RNF170: variants seen among roughly 807,000 people sequenced by gnomAD.
RNF170 encodes the protein ring finger protein 170.
RNF170 carries 12 observed loss-of-function variants against 32.7 expected under a neutral mutation model. That is an observed-to-expected ratio of 0.37 (90% CI 0.24 to 0.60). RNF170 has a LOEUF of 0.60. Ranked by LOEUF, RNF170 falls within the 20% of genes least tolerant of loss-of-function variation. The probability of loss-of-function intolerance (pLI) is 0.72; values close to 1 mark genes in which losing one functional copy is unlikely to be tolerated. For missense variants in RNF170, 212 were observed against 311.2 expected, an observed-to-expected ratio of 0.68 and a Z score of 2.40; for synonymous variants, 91 against 103.6, an observed-to-expected ratio of 0.88 and a Z score of 0.74.
chr8:42,878,795 A>T (rs1002378712), intron 2 of RNF170, among the ~76,000 whole-genome samples: 1 of 152,246 alleles, frequency 6.6e-6, no homozygotes, highest in Non-Finnish European at 1.5e-5. Flanking sequence ...AGAGAGGAGA[A>T]GTCAATGCCT....
downstream of RNF170, chr8:42,850,808 G>A: frequency 1.3e-6 from 2 of 1,551,630 alleles, no homozygotes; most frequent in Non-Finnish European, 1.7e-6. Context: ...GAGAACCAAA[G>A]GATGGAAACA....
intron 1 of RNF170, among the ~76,000 whole-genome samples, chr8:42,893,022 C>T (rs1305022214): frequency 6.6e-6 from 1 of 152,072 alleles, no homozygotes; most frequent in Non-Finnish European, 1.5e-5. Flanking sequence ...ACACATTGTA[C>T]ATATTTGTAT....
chr8:42,867,703 G>C (rs532244475), intron 4 of RNF170, among the ~76,000 whole-genome samples: 1 of 145,640 alleles, frequency 6.9e-6, no homozygotes, highest in South Asian at 2.2e-4. Flanking sequence ...GTGAACCCGG[G>C]AGGCGGAGCT....
At chr8:42,850,976 G>A (rs534710611), downstream of RNF170, 81 of 1,551,536 alleles carry the variant, frequency 5.2e-5, 1 homozygote, top group South Asian at 6.9e-4. Context: ...TCACTTGCAC[G>A]GCTGCTCTTC....
rs946375452 is a variant in RNF170, at chr8:42,887,768, T to C, written c.97A>G (p.Ser33Gly). The C allele has an allele frequency of 3.7e-6, 6 of 1,613,962 alleles. No homozygotes were observed. The African/African-American group carries it at 4.0e-5, about 11-fold the overall frequency. Residue 33 changes from serine (S) to glycine (G), a missense_variant, in exon 2 of 7, where the codon AGT becomes GGT. By Grantham distance (56) the Ser-to-Gly change is moderately conservative. Transcript: ENST00000527424. ...SDQVLVAVVV[S>G]FALIATLVYA... ...ACCAGGGTAGCAATCAAAGCGAAAC[T>C]GACCACAACTGCCACAAGTACTTGG...
Position 42,854,874 on chromosome 8 carries a change from C to T in RNF170, c.*1285G>A, listed in dbSNP as rs1343484482. ...TTCTCAGATACATTCACTTGTTTGGCTCAAGACATGAATCTGAGCTGTGTG... is the reference window on the plus strand; with the variant it reads ...TTCTCAGATACATTCACTTGTTTGGTTCAAGACATGAATCTGAGCTGTGTG... On this transcript the variant is annotated 3_prime_UTR_variant, in exon 7 of 7. Coordinates refer to ENST00000527424, the MANE Select transcript of RNF170 (RefSeq NM_030954.4). The T allele has an allele frequency of 7.8e-7, 1 of 1,287,240 alleles. No individual in the cohort carries two copies. The highest frequency in any genetic ancestry group is 1.0e-6 in the Non-Finnish European group (1 of 988,698). The allele number at this position is 1,287,240 out of a possible 1,614,324, so 79.7% of individuals were successfully genotyped here. A position where few individuals can be genotyped will look rare whatever the true frequency, so the allele number is the denominator to read the frequency against.
chr8:42,884,758 G>A (rs377262217), intron 2 of RNF170, among the ~76,000 whole-genome samples: 2 of 148,476 alleles, frequency 1.3e-5, no homozygotes, highest in Non-Finnish European at 3.0e-5. Flanking sequence ...CTGGAGTGCA[G>A]TGGTGCGATC....
intron 3 of RNF170, among the ~76,000 whole-genome samples, chr8:42,872,504 G>A (rs138455650): frequency 0.011 from 1,622 of 152,154 alleles, 19 homozygotes; most frequent in Middle Eastern, 0.034. Flanking sequence ...GTGCAGTGGC[G>A]CAATCTCAGC....
chr8:42,881,892 G>A (rs1422062134), intron 2 of RNF170, among the ~76,000 whole-genome samples: 1 of 152,086 alleles, frequency 6.6e-6, no homozygotes, highest in African/African-American at 2.4e-5. Flanking sequence ...CCATAATCAC[G>A]CCACTATACT....
intron 2 of RNF170, among the ~76,000 whole-genome samples, chr8:42,875,308 T>C (rs1470053356): frequency 6.6e-6 from 1 of 152,186 alleles, no homozygotes. Flanking sequence ...CAAGAATATT[T>C]TAAGTCTACA....
At position 42,887,787 on chromosome 8, in the gene RNF170, T is replaced by A; in HGVS notation, c.78A>T (p.Val26=). Residue 26 remains valine (V), a synonymous_variant, in exon 2 of 7, where the codon GTA becomes GTT. Coordinates refer to ENST00000527424, the MANE Select transcript of RNF170 (RefSeq NM_030954.4). ...DSVIEGVSDQ[V]LVAVVVSFAL... ...CGAAACTGACCACAACTGCCACAAGTACTTGGTCGCTTACTCCTTCTATAA... is the reference window on the plus strand; with the variant it reads ...CGAAACTGACCACAACTGCCACAAGAACTTGGTCGCTTACTCCTTCTATAA... The A allele has an allele frequency of 1.2e-6, 2 of 1,613,908 alleles. No homozygotes were observed. Among genetic ancestry groups the A allele is most frequent in the Non-Finnish European group, 1.7e-6 (2 of 1,179,750 alleles).
intron 4 of RNF170, among the ~76,000 whole-genome samples, chr8:42,866,264 A>C (rs1804070500): frequency 6.6e-6 from 1 of 151,472 alleles, no homozygotes; most frequent in African/African-American, 2.4e-5. Flanking sequence ...ACAAGTGGCC[A>C]GGCGCGGTGG....
chr8:42,859,682 T>G (rs1803509616), intron 6 of RNF170, among the ~76,000 whole-genome samples: 1 of 151,856 alleles, frequency 6.6e-6, no homozygotes, highest in African/African-American at 2.4e-5. Context: ...AAGGTCTCAC[T>G]CGATCACCCA....
intron 1 of RNF170, among the ~76,000 whole-genome samples, chr8:42,894,859 T>C (rs911978084): frequency 6.6e-5 from 10 of 152,072 alleles, no homozygotes; most frequent in African/African-American, 2.4e-4. Context: ...TGGCCACGTA[T>C]GTGTAATTTC....
Position 42,856,230 on chromosome 8 carries a change from C to A in RNF170, c.706G>T (p.Val236Phe). 1 of 1,610,898 alleles carries A rather than the reference C, an allele frequency of 6.2e-7. No homozygotes were observed. The highest frequency in any genetic ancestry group is 8.5e-7 in the Non-Finnish European group (1 of 1,178,596). The change falls in exon 7 of 7, where the codon GTC (valine) becomes TTC (phenylalanine). Residue 236 changes from valine (V) to phenylalanine (F), a missense_variant. Val to Phe is a conservative substitution (Grantham distance 50). Transcript: ENST00000527424. ...ATGTAGATAAGCAATAAAAAGATGA[C>A]AAAGAAATCATCTAGAAAGCCTAGA... is the stretch of plus-strand genomic sequence containing the variant. ...GILGFLDDFF[V>F]IFLLLIYISI...
At chr8:42,889,454 T>C (rs1806115173) in intron 1 of RNF170, 1 of 152,112 alleles carries the variant, frequency 6.6e-6, no homozygotes, top group African/African-American at 2.4e-5. Context: ...ATTAAATATA[T>C]ATGAATAATT....
intron 5 of RNF170, among the ~76,000 whole-genome samples, chr8:42,863,976 A>AGT (rs1304462129): frequency 9.1e-6 from 1 of 109,926 alleles, no homozygotes; most frequent in South Asian, 3.4e-4. Flanking sequence ...AGAGAGAGAG[A>AGT]GAGAGTGTGT....
rs566477342 is a variant in RNF170 at position 42,879,732 on chromosome 8, T to C, written c.138-5726A>G. ...CCTGTTGCCCAGGCTGGGAGTATAG[T>C]GCTACACTCTTGGCTTGCCGGAACC... On this transcript the variant is annotated intron_variant, in intron 2 of 6. Coordinates refer to ENST00000527424, the MANE Select transcript of RNF170 (RefSeq NM_030954.4). Among the ~76,000 whole-genome samples the C allele has an allele frequency of 9.9e-5, 15 of 152,066 alleles. No homozygotes were observed. In the East Asian group the frequency reaches 2.9e-3, roughly 29 times the overall value.
At chr8:42,863,395 C>T (rs769519569) in intron 5 of RNF170, among the ~76,000 whole-genome samples, 17 of 151,588 alleles carry the variant, frequency 1.1e-4, no homozygotes, top group Admixed American at 2.6e-4. Context: ...TGTTGCTGAC[C>T]GAGAGCAAAA....
Sources: gnomAD v4.1 joint callset for allele counts (sites outside exome capture counted in the v4.1 genomes callset) on GRCh38, gnomAD v4.1.1 for gene constraint, MANE v1.5 for transcripts, NCBI Gene and HGNC (gene_info 2026-07-23, HGNC 2026-07-21) for gene names.